The following EFR3A variants were observed in gnomAD, a reference collection of about 807,000 sequenced individuals.
EFR3A encodes EFR3 homolog A.
EFR3A carries 76 observed loss-of-function variants against 104.4 expected under a neutral mutation model. The ratio of observed to expected loss-of-function variants is 0.73; its 90% CI spans 0.60 to 0.88. The LOEUF (loss-of-function observed/expected upper bound fraction) is 0.88. EFR3A is among the 40% of genes least tolerant of loss of function. The probability of loss-of-function intolerance (pLI) is 0.00; values close to 1 mark genes in which losing one functional copy is unlikely to be tolerated. For synonymous variants in EFR3A, 330 were observed against 330.0 expected (o/e 1.00, Z 0.00); for missense variants, 985 against 1,012.5 (o/e 0.97, Z 0.37).
At chr8:131,955,626 T>A (rs760807778) in intron 6 of EFR3A, 142 bp from the exon 7 acceptor site, 12 of 827,198 alleles carry the variant, frequency 1.5e-5, no homozygotes, top group Non-Finnish European at 2.1e-5. Context: ...GTTAAATTCA[T>A]GAAATTAGAA....
chr8:131,905,031 G>A (rs1816177694), intron 1 of EFR3A, among the ~76,000 whole-genome samples: 1 of 152,168 alleles, frequency 6.6e-6, no homozygotes, highest in African/African-American at 2.4e-5. Flanking sequence ...CGGTGTTGGA[G>A]GATTTTTAGA....
chr8:131,994,029 A>G (rs1821348671), intron 18 of EFR3A, among the ~76,000 whole-genome samples: 1 of 152,244 alleles, frequency 6.6e-6, no homozygotes, highest in East Asian at 1.9e-4. Context: ...ACAAACCCCC[A>G]TGACACAAAT....
At chr8:131,904,387 G>A in intron 1 of EFR3A, 65 bp downstream of exon 1, 1 of 1,232,724 alleles carries the variant, frequency 8.1e-7, no homozygotes, top group Non-Finnish European at 1.0e-6. Flanking sequence ...GCTTGGGCCG[G>A]GTACTCCTCC....
At position 131,976,117 on chromosome 8, in the gene EFR3A, A is replaced by G. The variant is rs202192898; in HGVS notation, c.1250A>G (p.His417Arg). Reference protein sequence around the residue: ...GKVPVFGTSTHTLDISQLGDL... With the variant: ...GKVPVFGTSTRTLDISQLGDL... ...GTACCTGTCTTTGGAACATCTACCC[A>G]TACTTTGGATATCAGTCAACTAGGG... is the stretch of plus-strand genomic sequence containing the variant. Residue 417 changes from histidine (H) to arginine (R), a missense_variant, in exon 11 of 23, where the codon CAT (histidine) becomes CGT (arginine). Physicochemically the swap from His to Arg is conservative, Grantham distance 29 (BLOSUM62 0). Transcript: ENST00000254624. The G allele has an allele frequency of 7.6e-5, 121 of 1,595,508 alleles. No individual in the cohort carries two copies. In the East Asian group the frequency reaches 2.5e-3, roughly 33 times the overall value.
chr8:131,964,743 G>A (rs1218040108), intron 8 of EFR3A, among the ~76,000 whole-genome samples: 1 of 152,102 alleles, frequency 6.6e-6, no homozygotes, highest in East Asian at 1.9e-4. Context: ...ACCAAAAAAA[G>A]AGCCCGCATT....
At chr8:132,002,328 C>T (rs757292712) in intron 20 of EFR3A, among the ~76,000 whole-genome samples, 31 of 152,148 alleles carry the variant, frequency 2.0e-4, no homozygotes, top group Non-Finnish European at 4.4e-4. Flanking sequence ...CATTCCCTTG[C>T]CATTTTTTGG....
rs2130346645 is a variant in EFR3A at position 131,904,123 on chromosome 8, T to TGGCGGCGGTAGCTGTC, written c.-188_-173dup. On this transcript the variant is annotated 5_prime_UTR_variant, in exon 1 of 23. Coordinates refer to ENST00000254624, the MANE Select transcript of EFR3A (RefSeq NM_015137.6). Reference sequence around the variant, plus strand: ...TCGCGCCGCCCGGCGAGGAGTGGGCTGGCGGCGGTAGCTGTCGCCCGCTTG... The same window carrying TGGCGGCGGTAGCTGTC: ...TCGCGCCGCCCGGCGAGGAGTGGGCTGGCGGCGGTAGCTGTCGGCGGCGGTAGCTGTCGCCCGCTTG... 1.8e-6 allele frequency: 1 copy of TGGCGGCGGTAGCTGTC among 569,652 alleles called. No individual in the cohort carries two copies. Among genetic ancestry groups the TGGCGGCGGTAGCTGTC allele is most frequent in the African/African-American group, 1.9e-5 (1 of 51,426 alleles). The allele number at this position is 569,652 out of a possible 1,614,324, so 35.3% of individuals were successfully genotyped here.
intron 10 of EFR3A, among the ~76,000 whole-genome samples, chr8:131,971,833 A>G (rs1249098065): frequency 1.3e-5 from 2 of 152,172 alleles, no homozygotes; most frequent in African/African-American, 4.8e-5. Context: ...AGGCATTATT[A>G]TATTCCTCCA....
intron 16 of EFR3A, 85 bp from the exon 17 acceptor site, chr8:131,986,109 T>A (rs1253317013): frequency 3.5e-6 from 2 of 579,700 alleles, no homozygotes; most frequent in African/African-American, 3.9e-5. Flanking sequence ...AAGTTGTTTT[T>A]TTTTAAGCTG....
chr8:131,912,576 C>A (rs1335400297), intron 1 of EFR3A, among the ~76,000 whole-genome samples: 1 of 152,152 alleles, frequency 6.6e-6, no homozygotes, highest in Non-Finnish European at 1.5e-5. Flanking sequence ...AAACCACTGA[C>A]ACAGTAATTT....
At chr8:131,928,452 A>G (rs986562198) in intron 1 of EFR3A, among the ~76,000 whole-genome samples, 4 of 152,168 alleles carry the variant, frequency 2.6e-5, no homozygotes, top group Admixed American at 6.6e-5. Flanking sequence ...ATAAAATGTA[A>G]TCTTAAATTC....
At chr8:131,957,851 CTG>C (rs1395325387) in intron 7 of EFR3A, among the ~76,000 whole-genome samples, 1 of 152,198 alleles carries the variant, frequency 6.6e-6, no homozygotes, top group East Asian at 1.9e-4. Flanking sequence ...GCACAAGACA[CTG>C]ATATTGTTGG....
In EFR3A at chr8:132,011,160, ATT is replaced by A; in HGVS notation, c.*266_*267del. 1 of 1,133,566 alleles carries A rather than the reference ATT, an allele frequency of 8.8e-7. No homozygotes were observed. The highest frequency in any genetic ancestry group is 1.6e-5 in the African/African-American group (1 of 63,824). 70.2% of individuals were successfully genotyped at this position (1,133,566 alleles called of 1,614,324 possible). Reference sequence around the variant, plus strand: ...GTTGAACATGTTTTGGTTTCACTTTATTCCACTGTTAAGTAGTATGTTTTAAA... The same window carrying A: ...GTTGAACATGTTTTGGTTTCACTTTACCACTGTTAAGTAGTATGTTTTAAA... On this transcript the variant is annotated 3_prime_UTR_variant, in exon 23 of 23. Coordinates refer to ENST00000254624, the MANE Select transcript of EFR3A (RefSeq NM_015137.6).
intron 4 of EFR3A, among the ~76,000 whole-genome samples, chr8:131,948,435 T>G (rs1175441907): frequency 6.6e-6 from 1 of 152,162 alleles, no homozygotes; most frequent in East Asian, 1.9e-4. Flanking sequence ...AGTAAGAGCG[T>G]TAAATAAACC....
chr8:131,978,503 T>C (rs1405539344), intron 12 of EFR3A, among the ~76,000 whole-genome samples: 1 of 152,212 alleles, frequency 6.6e-6, no homozygotes, highest in Non-Finnish European at 1.5e-5. Context: ...TGTTTTGTAC[T>C]AACCTTAACC....
chr8:131,927,799 G>GA (rs1321683372), intron 1 of EFR3A, among the ~76,000 whole-genome samples: 6 of 151,198 alleles, frequency 4.0e-5, no homozygotes, highest in African/African-American at 1.2e-4. Context: ...TATTATTTTA[G>GA]AAAAAAAACC....
intron 19 of EFR3A, among the ~76,000 whole-genome samples, chr8:132,001,207 G>T (rs1821765410): frequency 1.3e-5 from 2 of 152,156 alleles, no homozygotes; most frequent in South Asian, 2.1e-4. Flanking sequence ...TTATAAATTG[G>T]TGGTTAACTT....
In EFR3A at chr8:132,010,921, G is replaced by A. The variant is rs1822315298; in HGVS notation, c.*26G>A. 6.4e-7 allele frequency: 1 copy of A among 1,551,086 alleles called. No individual in the cohort carries two copies. The highest frequency in any genetic ancestry group is 8.8e-7 in the Non-Finnish European group (1 of 1,136,362). On this transcript the variant is annotated 3_prime_UTR_variant, in exon 23 of 23. Coordinates refer to ENST00000254624, the MANE Select transcript of EFR3A (RefSeq NM_015137.6). Reference sequence around the variant, plus strand: ...TCGGCGCATGAAGACCTCAGGATATGATTTGTAAAGCCTAAAAATTAAGGC... The same window carrying A: ...TCGGCGCATGAAGACCTCAGGATATAATTTGTAAAGCCTAAAAATTAAGGC...
intron 1 of EFR3A, among the ~76,000 whole-genome samples, chr8:131,911,291 A>G (rs190676419): frequency 3.3e-4 from 50 of 152,244 alleles, no homozygotes; most frequent in Admixed American, 2.0e-4. Context: ...ACCTTTTAAC[A>G]TTATCTTATT....
Sources: gnomAD v4.1 joint callset for allele counts (sites outside exome capture counted in the v4.1 genomes callset) on GRCh38, gnomAD v4.1.1 for gene constraint, MANE v1.5 for transcripts, NCBI Gene and HGNC (gene_info 2026-07-23, HGNC 2026-07-21) for gene names.